Variants in DIS3L2 observed in about 807,000 individuals in gnomAD.
DIS3L2 encodes DIS3-like exonuclease 2.
In DIS3L2, 34 loss-of-function variants were observed where a neutral mutation model predicts 97.5. The ratio of observed to expected loss-of-function variants is 0.35; its 90% confidence interval spans 0.27 to 0.46. DIS3L2 has a LOEUF of 0.46. Ranked by LOEUF, DIS3L2 falls within the 20% of genes least tolerant of loss-of-function variation. The pLI is 1.00. For missense variants in DIS3L2, 1,038 were observed against 1,146.0 expected (o/e 0.91, Z 1.36); for synonymous variants, 435 against 445.2 (o/e 0.98, Z 0.29).
chr2:232,131,047 G>A (rs967106832), intron 7 of DIS3L2: 2 of 250,222 alleles, frequency 8.0e-6, no homozygotes, highest in African/African-American at 4.5e-5. Context: ...AGACAGTGGA[G>A]AAGCAGTATG....
At chr2:232,280,189 C>A (rs1694245376) in intron 13 of DIS3L2, among the ~76,000 whole-genome samples, 1 of 152,134 alleles carries the variant, frequency 6.6e-6, no homozygotes, top group Admixed American at 6.5e-5. Flanking sequence ...AAAACAGTTG[C>A]ACCTGAGAAG....
intron 16 of DIS3L2, chr2:232,331,913 CAG>C (rs1695748104): frequency 6.6e-6 from 1 of 152,286 alleles, no homozygotes; most frequent in Non-Finnish European, 1.5e-5. Flanking sequence ...AATCCGATGG[CAG>C]AGAGTTACCA....
intron 8 of DIS3L2, among the ~76,000 whole-genome samples, chr2:232,148,996 A>G (rs1438399033): frequency 6.7e-6 from 1 of 148,740 alleles, no homozygotes; most frequent in African/African-American, 2.5e-5. Context: ...TCTCCCCAGA[A>G]AAAGAGTTCT....
At chr2:232,094,962 A>G (rs1371650382) in intron 6 of DIS3L2, among the ~76,000 whole-genome samples, 2 of 152,042 alleles carry the variant, frequency 1.3e-5, no homozygotes, top group African/African-American at 2.4e-5. Flanking sequence ...TCTGATATTA[A>G]TATAGGTACT....
intron 1 of DIS3L2, among the ~76,000 whole-genome samples, chr2:231,993,355 A>C (rs1470550686): frequency 6.6e-6 from 1 of 152,144 alleles, no homozygotes; most frequent in African/African-American, 2.4e-5. Context: ...CTGGGACTGC[A>C]GGTGTGAGCC....
intron 20 of DIS3L2, 59 bp from the exon 21 acceptor site, chr2:232,336,410 G>C: frequency 6.4e-7 from 1 of 1,564,126 alleles, no homozygotes; most frequent in Middle Eastern, 1.7e-4. Flanking sequence ...TGGAGGCAGA[G>C]CTGCGCCTCG....
In DIS3L2 at chr2:232,125,957, C is replaced by T. The variant is rs377417560; in HGVS notation, c.602-4662C>T. Among the ~76,000 whole-genome samples the T allele has an allele frequency of 3.3e-4, 51 of 152,340 alleles. 3 individuals are homozygous for T. In the East Asian group the frequency reaches 5.4e-3, roughly 16 times the overall value. On this transcript the variant is annotated intron_variant, in intron 6 of 20. Coordinates refer to ENST00000325385, the MANE Select transcript of DIS3L2 (RefSeq NM_152383.5). ...AGGGACATATTTTCATTTACAAATA[C>T]ATACTGCATTCTTTTCATTGAACTC...
chr2:232,079,736 A>C (rs1372082975), intron 5 of DIS3L2, among the ~76,000 whole-genome samples: 5 of 152,190 alleles, frequency 3.3e-5, no homozygotes, highest in Non-Finnish European at 7.3e-5. Flanking sequence ...ATATTTGAGC[A>C]GAGACTTCAA....
downstream of DIS3L2, chr2:232,337,346 C>A: frequency 3.4e-6 from 1 of 295,996 alleles, no homozygotes; most frequent in African/African-American, 2.2e-5. Context: ...GTTCCTCAAG[C>A]AGCACTCTGT....
chr2:232,302,964 G>T (rs1694900350), intron 14 of DIS3L2, among the ~76,000 whole-genome samples: 2 of 152,198 alleles, frequency 1.3e-5, no homozygotes, highest in East Asian at 3.9e-4. Flanking sequence ...TACCTCTCTG[G>T]CAGGGTTGCA....
downstream of DIS3L2, among the ~76,000 whole-genome samples, chr2:232,342,146 TATACAC>T (rs1004683384): frequency 1.8e-4 from 28 of 152,210 alleles, no homozygotes; most frequent in Non-Finnish European, 4.0e-4. Flanking sequence ...CATATACATA[TATACAC>T]ATATACATAT....
At chr2:232,306,641 T>C (rs1694992066) in intron 14 of DIS3L2, among the ~76,000 whole-genome samples, 1 of 152,258 alleles carries the variant, frequency 6.6e-6, no homozygotes, top group African/African-American at 2.4e-5. Context: ...AACTTAAATA[T>C]GGTCACTCAT....
At chr2:232,174,836 G>T (rs373296313) in intron 9 of DIS3L2, among the ~76,000 whole-genome samples, 1 of 147,776 alleles carries the variant, frequency 6.8e-6, no homozygotes, top group South Asian at 2.1e-4. Context: ...CAGTCATTCA[G>T]TTTTTTTTTT....
At chr2:232,181,527 T>G (rs1389362164) in intron 9 of DIS3L2, among the ~76,000 whole-genome samples, 1 of 152,210 alleles carries the variant, frequency 6.6e-6, no homozygotes, top group Non-Finnish European at 1.5e-5. Context: ...TTATTCTTTT[T>G]TCTCTAAACT....
chr2:232,182,603 G>A (rs1007784955), intron 9 of DIS3L2, among the ~76,000 whole-genome samples: 3 of 152,076 alleles, frequency 2.0e-5, no homozygotes, highest in Non-Finnish European at 4.4e-5. Flanking sequence ...TTTGTTGTTA[G>A]ATGCATGTGT....
At chr2:232,196,741 A>G (rs954970186) in intron 9 of DIS3L2, among the ~76,000 whole-genome samples, 3 of 151,370 alleles carry the variant, frequency 2.0e-5, no homozygotes, top group Non-Finnish European at 2.9e-5. Flanking sequence ...TAGAAGAACA[A>G]ATGTAGGTAG....
chr2:231,983,462 G>C (rs1431624414), intron 1 of DIS3L2, among the ~76,000 whole-genome samples: 1 of 152,162 alleles, frequency 6.6e-6, no homozygotes, highest in Non-Finnish European at 1.5e-5. Flanking sequence ...GGGGATGAGT[G>C]GTGAGCAAGC....
intron 5 of DIS3L2, among the ~76,000 whole-genome samples, chr2:232,067,611 A>C (rs1240096365): frequency 1.3e-5 from 2 of 152,172 alleles, no homozygotes; most frequent in Non-Finnish European, 2.9e-5. Context: ...GCAGTTGTTC[A>C]GTGTTATGCT....
At chr2:232,216,503 C>T (rs1292295503) in intron 10 of DIS3L2, among the ~76,000 whole-genome samples, 1 of 152,188 alleles carries the variant, frequency 6.6e-6, no homozygotes, top group African/African-American at 2.4e-5. Context: ...CTCTCCCTTT[C>T]AGGTTTGATT....
Sources: allele counts gnomAD v4.1 joint callset (sites outside exome capture counted in the v4.1 genomes callset), GRCh38; gene constraint gnomAD v4.1.1; transcripts MANE v1.5; gene names NCBI Gene and HGNC (gene_info 2026-07-23, HGNC 2026-07-21).